Variants in NBEA observed in about 807,000 individuals in gnomAD.
NBEA encodes neurobeachin, also known as lysosomal-trafficking regulator 2.
In NBEA, 44 loss-of-function variants were observed where a neutral mutation model predicts 343.4. That is an observed-to-expected ratio of 0.13 (90% CI 0.10 to 0.16). The LOEUF (loss-of-function observed/expected upper bound fraction) is 0.16. NBEA is among the 10% of genes least tolerant of loss of function. NBEA has a pLI of 1.00. For synonymous variants in NBEA, 1,175 were observed against 1,238.7 expected (o/e 0.95, Z 1.08); for missense variants, 2,555 against 3,631.3 (o/e 0.70, Z 7.62).
At chr13:35,379,426 G>C (rs1172790082) in intron 38 of NBEA, among the ~76,000 whole-genome samples, 1 of 152,054 alleles carries the variant, frequency 6.6e-6, no homozygotes, top group Non-Finnish European at 1.5e-5. Flanking sequence ...TGATTTGTAA[G>C]AATTCAGTAT....
Position 35,272,133 on chromosome 13 carries a change from G to A in NBEA, c.5777-18256G>A, listed in dbSNP as rs188767114. The stretch of plus-strand genomic sequence containing the variant: ...AAGGTTGGGTTACCCACAAAGGGAA[G>A]CCCATCAGACTAACAGTGGATATCT... On this transcript the variant is annotated intron_variant, in intron 34 of 58. Coordinates refer to ENST00000379939, the MANE Select transcript of NBEA (RefSeq NM_001385012.1). Among the ~76,000 whole-genome samples, 224 of 152,322 alleles carry A rather than the reference G, an allele frequency of 1.5e-3. 1 individual carries two copies. Among genetic ancestry groups the A allele is most frequent in the African/African-American group, 4.9e-3 (205 of 41,574 alleles).
intron 2 of NBEA, among the ~76,000 whole-genome samples, chr13:35,044,603 GGTGT>G (rs3045194): frequency 0.061 from 8,720 of 142,358 alleles, 254 homozygotes; most frequent in Admixed American, 0.11. Context: ...GCTGTGTTGT[GGTGT>G]GTGTGTGTGT....
intron 30 of NBEA, chr13:35,185,727 C>G (rs1235908824): frequency 6.6e-6 from 1 of 152,082 alleles, no homozygotes; most frequent in Non-Finnish European, 1.5e-5. Flanking sequence ...TTACACTGAA[C>G]AGTGGTGTTA....
chr13:35,585,734 T>C (rs2081264419), intron 46 of NBEA, among the ~76,000 whole-genome samples: 1 of 152,106 alleles, frequency 6.6e-6, no homozygotes, highest in South Asian at 2.1e-4. Context: ...CTCCCTCATG[T>C]ACCTGCTGTG....
intron 36 of NBEA, among the ~76,000 whole-genome samples, chr13:35,319,355 C>A (rs1347890061): frequency 1.3e-5 from 2 of 152,122 alleles, no homozygotes; most frequent in Non-Finnish European, 2.9e-5. Flanking sequence ...TCGTTATTTA[C>A]CTGGTAGTCA....
intron 36 of NBEA, among the ~76,000 whole-genome samples, chr13:35,313,631 A>G (rs185260579): frequency 6.6e-6 from 1 of 152,270 alleles, no homozygotes; most frequent in Admixed American, 6.5e-5. Flanking sequence ...CTGGGTGTAG[A>G]TCCAAATCCT....
chr13:35,403,343 C>A (rs866775371), intron 38 of NBEA, among the ~76,000 whole-genome samples: 4 of 151,872 alleles, frequency 2.6e-5, no homozygotes, highest in East Asian at 1.9e-4. Flanking sequence ...AGGTGAATAT[C>A]CCGATCTCTT....
At chr13:35,286,196 A>C (rs376997577) in intron 34 of NBEA, among the ~76,000 whole-genome samples, 1 of 152,152 alleles carries the variant, frequency 6.6e-6, no homozygotes, top group East Asian at 1.9e-4. Context: ...CCATGGTGTC[A>C]GGCACATTAG....
At chr13:35,494,645 A>G (rs1461857349) in intron 41 of NBEA, among the ~76,000 whole-genome samples, 1 of 152,010 alleles carries the variant, frequency 6.6e-6, no homozygotes, top group Non-Finnish European at 1.5e-5. Context: ...AGATACAGAA[A>G]ACGAAAAGCA....
intron 41 of NBEA, among the ~76,000 whole-genome samples, chr13:35,486,989 G>A (rs1005786513): frequency 6.6e-6 from 1 of 151,836 alleles, no homozygotes; most frequent in Admixed American, 6.6e-5. Context: ...ATAATTACTT[G>A]AGTGAAATAT....
chr13:35,131,801 T>C (rs998471996), intron 17 of NBEA, among the ~76,000 whole-genome samples: 11 of 152,146 alleles, frequency 7.2e-5, no homozygotes, highest in Non-Finnish European at 1.6e-4. Context: ...TCTCAGTAAA[T>C]TTAAAAACTA....
chr13:35,060,382 C>T (rs1477345596), intron 8 of NBEA, among the ~76,000 whole-genome samples: 5 of 151,788 alleles, frequency 3.3e-5, no homozygotes, highest in African/African-American at 9.7e-5. Flanking sequence ...TCTTTTCACA[C>T]GTCTTTCTTG....
intron 38 of NBEA, among the ~76,000 whole-genome samples, chr13:35,399,273 G>A (rs1415044406): frequency 3.3e-5 from 5 of 152,038 alleles, no homozygotes; most frequent in African/African-American, 1.2e-4. Flanking sequence ...TTGTATTAGT[G>A]TTTTCACACT....
At chr13:35,410,135 G>A (rs1418430495) in intron 38 of NBEA, among the ~76,000 whole-genome samples, 2 of 151,958 alleles carry the variant, frequency 1.3e-5, no homozygotes, top group South Asian at 4.2e-4. Context: ...AAATAAATGG[G>A]GATATAAACA....
intron 34 of NBEA, among the ~76,000 whole-genome samples, chr13:35,283,492 C>T (rs2035197409): frequency 6.6e-6 from 1 of 152,016 alleles, no homozygotes; most frequent in Non-Finnish European, 1.5e-5. Flanking sequence ...TTTGAAATTG[C>T]AATTAAAATT....
At chr13:35,576,539 A>G (rs1264562465) in intron 45 of NBEA, among the ~76,000 whole-genome samples, 1 of 152,212 alleles carries the variant, frequency 6.6e-6, no homozygotes, top group Admixed American at 6.5e-5. Context: ...TTTCTGGGTC[A>G]TATAATTCTA....
At chr13:35,097,769 C>T (rs1192600212) in intron 10 of NBEA, among the ~76,000 whole-genome samples, 1 of 151,436 alleles carries the variant, frequency 6.6e-6, no homozygotes, top group Non-Finnish European at 1.5e-5. Flanking sequence ...TTAGGGCATA[C>T]CTGGACATAA....
intron 34 of NBEA, among the ~76,000 whole-genome samples, chr13:35,252,797 A>G (rs1314677479): frequency 6.6e-6 from 1 of 152,164 alleles, no homozygotes; most frequent in African/African-American, 2.4e-5. Context: ...AGGTGTTTGT[A>G]AAGTGGGCAT....
intron 6 of NBEA, among the ~76,000 whole-genome samples, chr13:35,053,464 T>C (rs2063137207): frequency 6.6e-6 from 1 of 152,122 alleles, no homozygotes. Flanking sequence ...TATGATAGTC[T>C]TTCTTCTCTA....
Sources: allele counts gnomAD v4.1 joint callset (sites outside exome capture counted in the v4.1 genomes callset), GRCh38; gene constraint gnomAD v4.1.1; transcripts MANE v1.5; gene names NCBI Gene and HGNC (gene_info 2026-07-23, HGNC 2026-07-21).